The following ZRANB1 variants were observed in gnomAD, a reference collection of about 807,000 sequenced individuals.
ZRANB1 encodes ubiquitin thioesterase ZRANB1.
A neutral mutation model predicts 80.5 loss-of-function variants in ZRANB1; 16 were observed. That is an observed-to-expected ratio of 0.20 (90% confidence interval 0.13 to 0.30). ZRANB1 has a LOEUF of 0.30. Among genes scored for constraint, ZRANB1 ranks in the 10% least tolerant of loss-of-function variants. ZRANB1 has a pLI of 1.00. For missense variants in ZRANB1, 576 were observed against 862.6 expected, an observed-to-expected ratio of 0.67 and a Z score of 4.16; for synonymous variants, 291 against 293.1, an observed-to-expected ratio of 0.99 and a Z score of 0.07.
chr10:124,923,953 A>T, the ZRANB1 span, among the ~76,000 whole-genome samples: 1 of 150,072 alleles, frequency 6.7e-6, no homozygotes, highest in Non-Finnish European at 1.5e-5. Flanking sequence ...AAAAAAAAGA[A>T]TTTTTGTTAT....
At chr10:124,935,791 T>TAGTAAA in the ZRANB1 span, among the ~76,000 whole-genome samples, 1 of 152,246 alleles carries the variant, frequency 6.6e-6, no homozygotes, top group African/African-American at 2.4e-5. Context: ...GGTGCTGGTC[T>TAGTAAA]ACCTTCCGTG....
chr10:124,943,813 A>G (rs1951557734), intron 1 of ZRANB1, among the ~76,000 whole-genome samples: 1 of 152,212 alleles, frequency 6.6e-6, no homozygotes. Context: ...GTAACTGAGG[A>G]ACACCAGCTG....
Position 124,962,727 on chromosome 10 carries a change from G to A in ZRANB1, c.815-3867G>A, listed in dbSNP as rs1951744249. 2.6e-5 allele frequency among the ~76,000 whole-genome samples: 4 copies of A among 152,236 alleles called. No homozygotes were observed. In the South Asian group the frequency reaches 8.3e-4, roughly 32 times the overall value. On this transcript the variant is annotated intron_variant, in intron 1 of 8. Coordinates refer to ENST00000359653, the MANE Select transcript of ZRANB1 (RefSeq NM_017580.3). ...GGTTTAGCTAGTAATATATAATATA[G>A]TGGCTTTCATTCTTAGGCCTTCATG...
chr10:124,974,419 G>T (rs940913211), intron 5 of ZRANB1, 21 bp downstream of exon 5: 8 of 1,613,512 alleles, frequency 5.0e-6, no homozygotes, highest in African/African-American at 1.3e-5. Flanking sequence ...ATTCTGCCCT[G>T]TTTCAACCCA....
intron 1 of ZRANB1, among the ~76,000 whole-genome samples, chr10:124,957,323 T>C (rs1356947594): frequency 3.3e-5 from 5 of 152,218 alleles, no homozygotes; most frequent in Non-Finnish European, 7.3e-5. Context: ...TAGGTGATAT[T>C]ATTTGAGGCA....
intron 1 of ZRANB1, chr10:124,962,472 T>C: frequency 1.1e-6 from 1 of 906,588 alleles, no homozygotes; most frequent in Non-Finnish European, 1.3e-6. Flanking sequence ...ATTATAATTT[T>C]ATGTCATAAA....
chr10:124,986,624 TGTTTC>T lies in ZRANB1; in HGVS notation c.*1633_*1637del, dbSNP rs911410269. On this transcript the variant is annotated 3_prime_UTR_variant, in exon 9 of 9. Transcript: ENST00000359653. ...TTGATATAATGTAAATGCTGCTGTT[TGTTTC>T]AAGTGGTGAATGTGTTGTTAAAAAT... 1 of 152,176 alleles carries T rather than the reference TGTTTC, an allele frequency of 6.6e-6. No individual in the cohort carries two copies. The highest frequency in any genetic ancestry group is 1.9e-4 in the East Asian group (1 of 5,198). 9.4% of individuals were successfully genotyped at this position (152,176 alleles called of 1,614,324 possible).
chr10:124,979,600 G>A (rs1951914833), intron 5 of ZRANB1, among the ~76,000 whole-genome samples: 1 of 152,092 alleles, frequency 6.6e-6, no homozygotes, highest in Non-Finnish European at 1.5e-5. Flanking sequence ...TCTAGCCCAA[G>A]GTCACGAAGA....
chr10:124,971,938 G>A, intron 2 of ZRANB1, 27 bp from the exon 3 acceptor site: 1 of 1,541,446 alleles, frequency 6.5e-7, no homozygotes, highest in Non-Finnish European at 8.7e-7. Flanking sequence ...TACATGAGAT[G>A]AGAGGAAGGT....
the ZRANB1 span, among the ~76,000 whole-genome samples, chr10:124,932,611 T>C: frequency 6.6e-6 from 1 of 152,102 alleles, no homozygotes; most frequent in Non-Finnish European, 1.5e-5. Flanking sequence ...AGAGTTCCTG[T>C]TGCTCCACAT....
the ZRANB1 span, among the ~76,000 whole-genome samples, chr10:124,936,341 T>A: frequency 6.6e-6 from 1 of 152,182 alleles, no homozygotes; most frequent in African/African-American, 2.4e-5. Flanking sequence ...GCAGTGGGAA[T>A]GAGAAGACAG....
At chr10:124,963,700 A>T (rs1951755794) in intron 1 of ZRANB1, among the ~76,000 whole-genome samples, 1 of 151,854 alleles carries the variant, frequency 6.6e-6, no homozygotes, top group Admixed American at 6.6e-5. Context: ...CTACAACAAA[A>T]ACGTGTCTAT....
chr10:124,963,554 G>GTTTTTTT (rs760813299), intron 1 of ZRANB1, among the ~76,000 whole-genome samples: 7 of 57,512 alleles, frequency 1.2e-4, no homozygotes, highest in Admixed American at 2.4e-4. Flanking sequence ...TTTTTTGTTT[G>GTTTTTTT]TTTTTTTTTT....
the ZRANB1 span, among the ~76,000 whole-genome samples, chr10:124,936,248 C>G: frequency 6.6e-6 from 1 of 152,084 alleles, no homozygotes; most frequent in African/African-American, 2.4e-5. Flanking sequence ...AATTGTGGAA[C>G]AGTCAGCTGG....
At chr10:124,938,529 G>A (rs1589836760), upstream of ZRANB1, among the ~76,000 whole-genome samples, 1 of 151,932 alleles carries the variant, frequency 6.6e-6, no homozygotes, top group Admixed American at 6.6e-5. Flanking sequence ...GTTTTGCCAT[G>A]TTGCCCAGGC....
intron 1 of ZRANB1, among the ~76,000 whole-genome samples, chr10:124,960,768 G>C (rs1332796144): frequency 6.6e-6 from 1 of 152,002 alleles, no homozygotes; most frequent in South Asian, 2.1e-4. Context: ...GTAAAAAAAA[G>C]GTGGGCTAGA....
At chr10:124,946,071 A>G (rs1589840350) in intron 1 of ZRANB1, among the ~76,000 whole-genome samples, 1 of 152,254 alleles carries the variant, frequency 6.6e-6, no homozygotes, top group South Asian at 2.1e-4. Context: ...TTACAGGGGT[A>G]AGCCACTGGG....
chr10:124,949,348 T>C (rs1199037729), intron 1 of ZRANB1, among the ~76,000 whole-genome samples: 4 of 151,728 alleles, frequency 2.6e-5, no homozygotes, highest in African/African-American at 9.7e-5. Context: ...TGGTTGGGGC[T>C]GTTGAAGGTA....
intron 1 of ZRANB1, among the ~76,000 whole-genome samples, chr10:124,964,578 T>TAC (rs1951762304): frequency 6.6e-6 from 1 of 152,238 alleles, no homozygotes; most frequent in Admixed American, 6.5e-5. Context: ...ACAAAACACC[T>TAC]ACATACATGC....
Sources: gnomAD v4.1 joint callset for allele counts (sites outside exome capture counted in the v4.1 genomes callset) on GRCh38, gnomAD v4.1.1 for gene constraint, MANE v1.5 for transcripts, NCBI Gene and HGNC (gene_info 2026-07-23, HGNC 2026-07-21) for gene names.